The following CNTLN variants were observed in gnomAD, a reference collection of about 807,000 sequenced individuals.
The protein encoded by CNTLN is centlein, centrosomal protein.
Under a neutral mutation model 180.0 loss-of-function variants are expected in CNTLN, and 212 were observed. The ratio of observed to expected loss-of-function variants is 1.18; its 90% CI spans 1.05 to 1.32. The LOEUF is 1.32. CNTLN is among the 40% of genes most tolerant of loss of function. The probability of loss-of-function intolerance (pLI) is 0.00; values close to 1 mark genes in which losing one functional copy is unlikely to be tolerated. For missense variants in CNTLN, 2,095 were observed against 1,610.9 expected (o/e 1.30, Z -5.14); for synonymous variants, 722 against 563.1 (o/e 1.28, Z -3.99).
rs1381795837 is a variant in CNTLN, at chr9:17,295,991, AGAGAGAGT to A, written c.984-2197_984-2190del. Among the ~76,000 whole-genome samples, 231 of 76,642 alleles carry A rather than the reference AGAGAGAGT, an allele frequency of 3.0e-3. 1 individual carries two copies. Among genetic ancestry groups the A allele is most frequent in the South Asian group, 0.012 (15 of 1,266 alleles). 50.3% of individuals were successfully genotyped at this position (76,642 alleles called of 152,430 possible). ...CAGTGAGAGAGAGAGAGAGAGAGAG[AGAGAGAGT>A]GTGTGTGTGTGTGTGTGTGTGTGTG... is the stretch of plus-strand genomic sequence containing the variant. On this transcript the variant is annotated intron_variant, in intron 6 of 25. Coordinates refer to ENST00000380647, the MANE Select transcript of CNTLN (RefSeq NM_017738.4).
At chr9:17,212,202 A>G (rs1823371367) in intron 2 of CNTLN, among the ~76,000 whole-genome samples, 1 of 152,148 alleles carries the variant, frequency 6.6e-6, no homozygotes, top group South Asian at 2.1e-4. Context: ...TGTGATAAAT[A>G]GCTCTTATTA....
rs1396457772 is a variant in CNTLN at position 17,366,617 on chromosome 9, G to T, written c.1887G>T (p.Lys629Asn). The change falls in exon 13 of 26, where the codon AAG becomes AAT. Residue 629 changes from lysine to asparagine, a missense_variant and splice_region_variant. Physicochemically the swap from Lys to Asn is moderately conservative, Grantham distance 94. Transcript: ENST00000380647. ...GTAAATGTTTATTGCTTTTTCATAG[G>T]ATGAATCTTGAAGAAGAATTAGATG... The part of the protein sequence containing the change: ...KRENQELMIQ[K>N]MNLEEELDEL... 1 of 1,448,282 alleles carries T rather than the reference G, an allele frequency of 6.9e-7. No homozygotes were observed. Among genetic ancestry groups the T allele is most frequent in the African/African-American group, 1.4e-5 (1 of 70,720 alleles). The allele number at this position is 1,448,282 out of a possible 1,614,324, so 89.7% of individuals were successfully genotyped here. A position where few individuals can be genotyped will look rare whatever the true frequency, so the allele number is the denominator to read the frequency against.
chr9:17,340,271 C>G (rs903441611), intron 10 of CNTLN, among the ~76,000 whole-genome samples: 8 of 152,154 alleles, frequency 5.3e-5, no homozygotes, highest in African/African-American at 1.9e-4. Context: ...GCCTAGCTTT[C>G]CCATTCCAGT....
intron 23 of CNTLN, among the ~76,000 whole-genome samples, chr9:17,480,521 C>G (rs1287387505): frequency 6.6e-6 from 1 of 152,108 alleles, no homozygotes; most frequent in East Asian, 1.9e-4. Flanking sequence ...TTAGTATGTA[C>G]TATACTCAGA....
rs191013877 is a variant in CNTLN, at chr9:17,350,476, A to C, written c.1886+8032A>C. Among the ~76,000 whole-genome samples the C allele has an allele frequency of 5.0e-4, 76 of 152,296 alleles. 1 individual carries two copies. The highest frequency in any genetic ancestry group is 2.5e-4 in the Non-Finnish European group (17 of 68,022). Reference sequence around the variant, plus strand: ...AGCAGAGAAGACAAGCAAAAGTGTGATTAAAAGCAATAATAAGAGAATATT... The same window carrying C: ...AGCAGAGAAGACAAGCAAAAGTGTGCTTAAAAGCAATAATAAGAGAATATT... On this transcript the variant is annotated intron_variant, in intron 12 of 25. Coordinates refer to ENST00000380647, the MANE Select transcript of CNTLN (RefSeq NM_017738.4).
At chr9:17,150,935 G>A (rs1442952758) in intron 2 of CNTLN, among the ~76,000 whole-genome samples, 1 of 152,060 alleles carries the variant, frequency 6.6e-6, no homozygotes, top group Non-Finnish European at 1.5e-5. Context: ...GTTCACTCAT[G>A]GTTTGGCTGT....
intron 13 of CNTLN, among the ~76,000 whole-genome samples, chr9:17,381,591 A>T (rs923715671): frequency 2.0e-4 from 30 of 152,272 alleles, no homozygotes; most frequent in African/African-American, 7.2e-4. Flanking sequence ...AGTGCCACAT[A>T]ATTTAGTCTT....
intron 15 of CNTLN, among the ~76,000 whole-genome samples, chr9:17,400,316 T>C (rs188526002): frequency 6.6e-6 from 1 of 152,220 alleles, no homozygotes; most frequent in Admixed American, 6.5e-5. Flanking sequence ...TTTTTGTATC[T>C]TTACTAGAGA....
intron 6 of CNTLN, among the ~76,000 whole-genome samples, chr9:17,295,516 C>T (rs1174715861): frequency 6.6e-6 from 1 of 152,108 alleles, no homozygotes; most frequent in Non-Finnish European, 1.5e-5. Flanking sequence ...GTGCCAGCTG[C>T]CTAGTCAGTC....
At chr9:17,266,859 A>T (rs1827498652) in intron 5 of CNTLN, among the ~76,000 whole-genome samples, 1 of 151,712 alleles carries the variant, frequency 6.6e-6, no homozygotes, top group African/African-American at 2.4e-5. Flanking sequence ...TAGGATTGCA[A>T]CCCCTGCCTT....
intron 2 of CNTLN, among the ~76,000 whole-genome samples, chr9:17,163,984 A>G (rs1563838340): frequency 6.6e-6 from 1 of 151,266 alleles, no homozygotes; most frequent in Non-Finnish European, 1.5e-5. Context: ...ATGCCACTGC[A>G]CTCCAGCCTG....
intron 12 of CNTLN, among the ~76,000 whole-genome samples, chr9:17,345,349 A>G (rs1337031269): frequency 3.3e-5 from 5 of 151,870 alleles, no homozygotes; most frequent in Admixed American, 6.6e-5. Context: ...TTGCTAGTGT[A>G]TGGATATTTT....
chr9:17,351,707 A>G (rs1822379806), intron 12 of CNTLN, among the ~76,000 whole-genome samples: 1 of 152,174 alleles, frequency 6.6e-6, no homozygotes, highest in African/African-American at 2.4e-5. Context: ...GAATAAACTC[A>G]TAAACATCTG....
At chr9:17,295,021 C>T (rs80107744) in intron 6 of CNTLN, among the ~76,000 whole-genome samples, 30,120 of 151,254 alleles carry the variant, frequency 0.2, 3,684 homozygotes, top group African/African-American at 0.34. Flanking sequence ...AGAGCAGCGC[C>T]GGTGGGCCAA....
intron 2 of CNTLN, among the ~76,000 whole-genome samples, chr9:17,211,992 G>A (rs10962907): frequency 0.24 from 36,835 of 151,926 alleles, 4,585 homozygotes; most frequent in South Asian, 0.33. Context: ...CAGTCATGTC[G>A]TCTGCAAACA....
At chr9:17,506,255 A>C (rs565013275), downstream of CNTLN, among the ~76,000 whole-genome samples, 2 of 152,258 alleles carry the variant, frequency 1.3e-5, no homozygotes, top group African/African-American at 4.8e-5. Flanking sequence ...TGATGCAAAA[A>C]AGAAAAATTG....
the CNTLN span, among the ~76,000 whole-genome samples, chr9:17,518,147 A>C: frequency 1.0e-4 from 14 of 139,928 alleles, no homozygotes; most frequent in African/African-American, 3.5e-4. Context: ...TCCTGGGTTC[A>C]AGTGATTCTC....
chr9:17,175,754 A>G (rs949752296), intron 2 of CNTLN, among the ~76,000 whole-genome samples: 18 of 152,206 alleles, frequency 1.2e-4, no homozygotes, highest in African/African-American at 3.4e-4. Flanking sequence ...TGGACATAAG[A>G]TGTCTCTCCA....
intron 2 of CNTLN, among the ~76,000 whole-genome samples, chr9:17,180,522 C>G (rs1374234937): frequency 1.3e-5 from 2 of 151,568 alleles, no homozygotes; most frequent in African/African-American, 4.8e-5. Flanking sequence ...ACATTTAGAA[C>G]CACATAAGAT....
Sources: allele counts gnomAD v4.1 joint callset (sites outside exome capture counted in the v4.1 genomes callset), GRCh38; gene constraint gnomAD v4.1.1; transcripts MANE v1.5; gene names NCBI Gene and HGNC (gene_info 2026-07-23, HGNC 2026-07-21).